The following MAPKAP1 variants were observed in gnomAD, a reference collection of about 807,000 sequenced individuals.
MAPKAP1 encodes MAPK associated protein 1.
MAPKAP1 carries 20 observed loss-of-function variants against 65.7 expected under a neutral mutation model. The observed-to-expected ratio is 0.30, with a 90% confidence interval of 0.21 to 0.44. The LOEUF is 0.44. MAPKAP1 is among the 20% of genes least tolerant of loss of function. The pLI is 1.00. For synonymous variants in MAPKAP1, 222 were observed against 244.3 expected, an observed-to-expected ratio of 0.91 and a Z score of 0.85; for missense variants, 423 against 648.0, an observed-to-expected ratio of 0.65 and a Z score of 3.77.
At position 125,438,688 on chromosome 9, in the gene MAPKAP1, C is replaced by T. The variant is rs1055465040; in HGVS notation, c.*199G>A. 5 of 613,304 alleles carry T rather than the reference C, an allele frequency of 8.2e-6. No homozygotes were observed. Among genetic ancestry groups the T allele is most frequent in the Non-Finnish European group, 8.4e-6 (3 of 359,224 alleles). The allele number at this position is 613,304 out of a possible 1,614,324, so 38.0% of individuals were successfully genotyped here. On this transcript the variant is annotated 3_prime_UTR_variant, in exon 12 of 12. Transcript: ENST00000265960. ...CTTATCAAAGCCACTGCCAAGCAGA[C>T]TTCCGTCCCATGGCAATGTCCCCAG...
intron 6 of MAPKAP1, among the ~76,000 whole-genome samples, chr9:125,558,446 A>G (rs1830801181): frequency 6.6e-6 from 1 of 152,152 alleles, no homozygotes; most frequent in Non-Finnish European, 1.5e-5. Flanking sequence ...GCTTACCCCC[A>G]GGTACTCAGT....
At chr9:125,685,341 G>C (rs1478780713) in intron 1 of MAPKAP1, among the ~76,000 whole-genome samples, 1 of 152,210 alleles carries the variant, frequency 6.6e-6, no homozygotes, top group African/African-American at 2.4e-5. Flanking sequence ...AAGGAGGTGA[G>C]AGAACAAGCC....
chr9:125,705,627 T>C (rs923874386), intron 1 of MAPKAP1, among the ~76,000 whole-genome samples: 1 of 152,198 alleles, frequency 6.6e-6, no homozygotes, highest in Non-Finnish European at 1.5e-5. Flanking sequence ...TATATACATA[T>C]CCATATTCAG....
At chr9:125,474,008 C>A (rs1564523484) in intron 9 of MAPKAP1, among the ~76,000 whole-genome samples, 1 of 152,170 alleles carries the variant, frequency 6.6e-6, no homozygotes, top group Non-Finnish European at 1.5e-5. Context: ...GTGCCTGATA[C>A]ATAGCTAGCG....
At chr9:125,647,116 T>G (rs532675989) in intron 4 of MAPKAP1, among the ~76,000 whole-genome samples, 11 of 152,230 alleles carry the variant, frequency 7.2e-5, no homozygotes, top group Non-Finnish European at 1.3e-4. Context: ...TGTAGCTAAA[T>G]GCACATATAA....
At chr9:125,566,598 GAAAAAA>G (rs1238904209) in intron 5 of MAPKAP1, among the ~76,000 whole-genome samples, 2 of 90,548 alleles carry the variant, frequency 2.2e-5, no homozygotes, top group Non-Finnish European at 4.9e-5. Flanking sequence ...AAAAGAAAAA[GAAAAAA>G]GACTTCTTCA....
intron 4 of MAPKAP1, among the ~76,000 whole-genome samples, chr9:125,613,822 G>C (rs1315245853): frequency 1.3e-5 from 2 of 150,758 alleles, no homozygotes; most frequent in African/African-American, 4.9e-5. Flanking sequence ...TTTTAAGACG[G>C]AGTCTCGCTC....
intron 1 of MAPKAP1, among the ~76,000 whole-genome samples, chr9:125,685,829 C>A (rs1261707130): frequency 6.6e-6 from 1 of 152,154 alleles, no homozygotes; most frequent in Non-Finnish European, 1.5e-5. Flanking sequence ...TTCTTGTTCC[C>A]AAGGGGCTGT....
chr9:125,441,044 C>T (rs530130364), intron 11 of MAPKAP1, among the ~76,000 whole-genome samples: 11 of 152,258 alleles, frequency 7.2e-5, no homozygotes, highest in South Asian at 2.1e-4. Context: ...AAGATAAAAA[C>T]GCCCTTTGCT....
At chr9:125,667,313 C>T (rs184397818) in intron 3 of MAPKAP1, among the ~76,000 whole-genome samples, 2 of 152,194 alleles carry the variant, frequency 1.3e-5, no homozygotes, top group Non-Finnish European at 2.9e-5. Context: ...ATTTGATGTA[C>T]TCTATTCACC....
At chr9:125,504,620 A>AAAAAAT (rs1193511085) in intron 8 of MAPKAP1, among the ~76,000 whole-genome samples, 5 of 152,086 alleles carry the variant, frequency 3.3e-5, no homozygotes, top group Non-Finnish European at 7.4e-5. Flanking sequence ...TACTAAAAAT[A>AAAAAAT]AAAAATAAAA....
chr9:125,484,646 T>C (rs1854433713), intron 8 of MAPKAP1, 63 bp from the exon 9 acceptor site: 1 of 1,503,012 alleles, frequency 6.7e-7, no homozygotes, highest in South Asian at 1.3e-5. Flanking sequence ...GGTGTCTGCT[T>C]AAAATGCTTT....
intron 4 of MAPKAP1, among the ~76,000 whole-genome samples, chr9:125,632,740 A>C (rs567602185): frequency 6.6e-6 from 1 of 152,192 alleles, no homozygotes; most frequent in Non-Finnish European, 1.5e-5. Context: ...CAATGAACAC[A>C]CAAGAGACCT....
At chr9:125,680,693 C>T (rs1227678524) in intron 1 of MAPKAP1, among the ~76,000 whole-genome samples, 1 of 152,084 alleles carries the variant, frequency 6.6e-6, no homozygotes, top group East Asian at 1.9e-4. Context: ...GATTCATTCA[C>T]AAAATCATCT....
intron 10 of MAPKAP1, among the ~76,000 whole-genome samples, chr9:125,448,596 G>A (rs1272187407): frequency 6.6e-6 from 1 of 152,188 alleles, no homozygotes; most frequent in African/African-American, 2.4e-5. Context: ...GGGAATCAGA[G>A]GTAGGCAAGT....
intron 4 of MAPKAP1, among the ~76,000 whole-genome samples, chr9:125,587,776 G>C (rs1004140487): frequency 1.3e-5 from 2 of 152,054 alleles, no homozygotes; most frequent in Admixed American, 1.3e-4. Context: ...TTTCTCCAAA[G>C]AAGATACACA....
intron 4 of MAPKAP1, among the ~76,000 whole-genome samples, chr9:125,652,643 C>G (rs1182798140): frequency 2.0e-5 from 3 of 152,072 alleles, no homozygotes; most frequent in African/African-American, 7.2e-5. Context: ...TCAAACATTC[C>G]CCTTATATTT....
chr9:125,560,524 C>CA (rs1312847602), intron 5 of MAPKAP1, among the ~76,000 whole-genome samples: 1 of 152,152 alleles, frequency 6.6e-6, no homozygotes, highest in African/African-American at 2.4e-5. Context: ...GTCGAGGCTG[C>CA]AGTGAGCTAT....
intron 1 of MAPKAP1, among the ~76,000 whole-genome samples, chr9:125,686,014 C>T (rs1357747448): frequency 6.6e-6 from 1 of 152,118 alleles, no homozygotes; most frequent in South Asian, 2.1e-4. Flanking sequence ...TTCAGGGTAA[C>T]CACATATCAA....
Sources: allele counts gnomAD v4.1 joint callset (sites outside exome capture counted in the v4.1 genomes callset), GRCh38; gene constraint gnomAD v4.1.1; transcripts MANE v1.5; gene names NCBI Gene and HGNC (gene_info 2026-07-23, HGNC 2026-07-21).